The following CHIC1 variants were observed in gnomAD, a reference collection of about 807,000 sequenced individuals.
CHIC1 encodes the protein cysteine rich hydrophobic domain 1, also known as cysteine-rich hydrophobic domain-containing protein 1.
In CHIC1, 7 loss-of-function variants were observed where a neutral mutation model predicts 18.5. That is an observed-to-expected ratio of 0.38 (90% CI 0.22 to 0.71). The LOEUF (loss-of-function observed/expected upper bound fraction) is 0.71, where lower values mean the gene tolerates loss of function less well. Among genes scored for constraint, CHIC1 ranks in the 30% least tolerant of loss-of-function variants. The pLI is 0.49. For missense variants in CHIC1, 159 were observed against 176.9 expected, an observed-to-expected ratio of 0.90 and a Z score of 0.57; for synonymous variants, 77 against 73.5, an observed-to-expected ratio of 1.05 and a Z score of -0.25.
intron 3 of CHIC1, among the ~76,000 whole-genome samples, chrX:73,604,353 A>T (rs2057668307): frequency 9.5e-6 from 1 of 105,296 alleles, no homozygotes; most frequent in African/African-American, 3.7e-5. Flanking sequence ...ATCAGTGGTG[A>T]TATCCCTTTT....
At chrX:73,662,627 G>A (rs947724567) in intron 3 of CHIC1, among the ~76,000 whole-genome samples, 1 of 107,902 alleles carries the variant, frequency 9.3e-6, no homozygotes. Flanking sequence ...AGTTAATATC[G>A]CCTAGTAATT....
At chrX:73,676,427 G>A (rs773936151) in intron 3 of CHIC1, among the ~76,000 whole-genome samples, 9 of 111,136 alleles carry the variant, frequency 8.1e-5, no homozygotes, top group East Asian at 2.8e-4. Flanking sequence ...GGCTTTCTTC[G>A]TTTCTTTTTA....
chrX:73,565,949 C>T (rs773775192), intron 1 of CHIC1, among the ~76,000 whole-genome samples: 1 of 110,692 alleles, frequency 9.0e-6, no homozygotes, highest in Non-Finnish European at 1.9e-5. Flanking sequence ...TGAGAGCCCT[C>T]ACCTCAAACT....
chrX:73,618,768 A>G (rs1317365150), intron 3 of CHIC1, among the ~76,000 whole-genome samples: 1 of 112,322 alleles, frequency 8.9e-6, no homozygotes, highest in Non-Finnish European at 1.9e-5. Flanking sequence ...CTTCTGTGCT[A>G]TATCTGCACT....
At chrX:73,620,788 G>A (rs774595426) in intron 3 of CHIC1, among the ~76,000 whole-genome samples, 15 of 111,954 alleles carry the variant, frequency 1.3e-4, no homozygotes, top group Non-Finnish European at 2.1e-4. Flanking sequence ...CCTATGTCCT[G>A]AATGGTATTG....
At chrX:73,673,285 A>G (rs1379849624) in intron 3 of CHIC1, among the ~76,000 whole-genome samples, 1 of 111,894 alleles carries the variant, frequency 8.9e-6, no homozygotes, top group Non-Finnish European at 1.9e-5. Flanking sequence ...TTCTGTGAAG[A>G]AAGTCCTTGG....
chrX:73,658,208 T>G (rs761610133), intron 3 of CHIC1, among the ~76,000 whole-genome samples: 1 of 105,567 alleles, frequency 9.5e-6, no homozygotes, highest in South Asian at 4.5e-4. Context: ...AGCTCTTCTT[T>G]GTACCCCTGC....
At chrX:73,598,335 T>G (rs1171251899) in intron 3 of CHIC1, among the ~76,000 whole-genome samples, 1 of 107,145 alleles carries the variant, frequency 9.3e-6, no homozygotes, top group Non-Finnish European at 1.9e-5. Context: ...TTCTCTTTTT[T>G]TTTTTATTAT....
chrX:73,650,519 A>G (rs2057910911), intron 3 of CHIC1, among the ~76,000 whole-genome samples: 1 of 110,893 alleles, frequency 9.0e-6, no homozygotes, highest in Non-Finnish European at 1.9e-5. Flanking sequence ...CCGCACAGAA[A>G]TAGAAACTAT....
intron 1 of CHIC1, among the ~76,000 whole-genome samples, chrX:73,566,817 G>A (rs1267992422): frequency 9.0e-6 from 1 of 111,117 alleles, no homozygotes; most frequent in African/African-American, 3.3e-5. Context: ...CACTTATGAT[G>A]ATTTCTTCTT....
chrX:73,609,056 G>C (rs1227962474), intron 3 of CHIC1, among the ~76,000 whole-genome samples: 1 of 105,818 alleles, frequency 9.5e-6, no homozygotes, highest in Non-Finnish European at 1.9e-5. Flanking sequence ...TTGGGAAGCT[G>C]AGGCAGGAGA....
Position 73,672,735 on chromosome X carries a change from A to G in CHIC1, c.508-6591A>G, listed in dbSNP as rs780113326. Among the ~76,000 whole-genome samples the G allele has an allele frequency of 1.3e-4, 14 of 111,918 alleles. No individual in the cohort carries two copies. The South Asian group carries it at 5.2e-3, about 42-fold the overall frequency. On this transcript the variant is annotated intron_variant, in intron 3 of 5. Transcript: ENST00000373502. ...TAGGTTGCCTGTTCACTCTGATTGT[A>G]GTTTCTTTTGCTGTGCAGAAGCTCT...
intron 3 of CHIC1, among the ~76,000 whole-genome samples, chrX:73,608,524 C>G (rs768832969): frequency 4.6e-5 from 5 of 108,304 alleles, no homozygotes; most frequent in Admixed American, 9.7e-5. Flanking sequence ...GTCTTCCAAT[C>G]CATAAGAGCA....
chrX:73,658,259 T>G (rs973166989), intron 3 of CHIC1, among the ~76,000 whole-genome samples: 2 of 85,200 alleles, frequency 2.3e-5, no homozygotes, highest in African/African-American at 4.2e-5. Context: ...TTTTTTTTTT[T>G]TTTTTTTTTT....
intron 2 of CHIC1, among the ~76,000 whole-genome samples, chrX:73,580,392 CAT>C (rs2057520903): frequency 9.0e-6 from 1 of 110,715 alleles, no homozygotes; most frequent in Non-Finnish European, 1.9e-5. Context: ...CAAAATCTAT[CAT>C]GTGTTGGATA....
chrX:73,584,633 T>A, intron 3 of CHIC1, 61 bp downstream of exon 3: 1 of 863,674 alleles, frequency 1.2e-6, no homozygotes, highest in Middle Eastern at 4.4e-4. Flanking sequence ...AAACTTACTA[T>A]GTGCTATGAA....
intron 3 of CHIC1, among the ~76,000 whole-genome samples, chrX:73,631,373 T>C (rs1283360933): frequency 9.0e-6 from 1 of 110,944 alleles, no homozygotes; most frequent in Non-Finnish European, 1.9e-5. Flanking sequence ...ACACCTGTAA[T>C]CTCAACACTT....
intron 3 of CHIC1, among the ~76,000 whole-genome samples, chrX:73,611,893 T>G (rs1283484803): frequency 9.2e-6 from 1 of 108,939 alleles, no homozygotes; most frequent in Non-Finnish European, 1.9e-5. Flanking sequence ...TAAATTTGTT[T>G]GAGTTCATTG....
chrX:73,642,426 G>A (rs1227574295), intron 3 of CHIC1, among the ~76,000 whole-genome samples: 2 of 110,587 alleles, frequency 1.8e-5, no homozygotes, highest in African/African-American at 3.3e-5. Context: ...TCAGCCCTTT[G>A]TCAGATGAGT....
Sources: allele counts gnomAD v4.1 joint callset (sites outside exome capture counted in the v4.1 genomes callset), GRCh38; gene constraint gnomAD v4.1.1; transcripts MANE v1.5; gene names NCBI Gene and HGNC (gene_info 2026-07-23, HGNC 2026-07-21).